The following CLEC2A variants were observed in gnomAD, a reference collection of about 807,000 sequenced individuals.
CLEC2A encodes keratinocyte-associated C-type lectin.
In CLEC2A, 19 loss-of-function variants were observed where a neutral mutation model predicts 18.6. The observed-to-expected ratio is 1.02, with a 90% CI of 0.71 to 1.50. CLEC2A has a LOEUF of 1.50. Among genes scored for constraint, CLEC2A ranks in the 40% most tolerant of loss-of-function variants. CLEC2A has a pLI of 0.00. For synonymous variants in CLEC2A, 74 were observed against 64.0 expected (o/e 1.16, Z -0.75); for missense variants, 190 against 207.9 (o/e 0.91, Z 0.53).
the CLEC2A span, among the ~76,000 whole-genome samples, chr12:9,880,610 T>C: frequency 6.6e-6 from 1 of 152,134 alleles, no homozygotes; most frequent in African/African-American, 2.4e-5. Flanking sequence ...GTCAAAATTC[T>C]GCAAATGAGC....
At chr12:9,911,579 C>A (rs930853174), downstream of CLEC2A, among the ~76,000 whole-genome samples, 2 of 152,184 alleles carry the variant, frequency 1.3e-5, no homozygotes, top group Admixed American at 6.5e-5. Context: ...TTTAGTGACA[C>A]CTGCATTTTA....
the CLEC2A span, among the ~76,000 whole-genome samples, chr12:9,889,648 G>A: frequency 0.14 from 21,203 of 149,578 alleles, 2,458 homozygotes; most frequent in East Asian, 0.34. Context: ...GTATATATAT[G>A]TGTGTGTGTG....
intron 1 of CLEC2A, among the ~76,000 whole-genome samples, chr12:9,928,282 A>G (rs191453109): frequency 1.3e-5 from 2 of 152,168 alleles, no homozygotes; most frequent in Non-Finnish European, 2.9e-5. Flanking sequence ...CCTGGCCAAC[A>G]TGGTGAGACC....
chr12:9,927,785 A>G (rs1863300399), intron 1 of CLEC2A, among the ~76,000 whole-genome samples: 1 of 152,182 alleles, frequency 6.6e-6, no homozygotes, highest in Non-Finnish European at 1.5e-5. Context: ...TTGGTAATTT[A>G]TCTTACATCT....
chr12:9,902,709 G>A (rs1862850696), intron 4 of CLEC2A, among the ~76,000 whole-genome samples: 1 of 151,984 alleles, frequency 6.6e-6, no homozygotes, highest in South Asian at 2.1e-4. Flanking sequence ...TGAGACAAAG[G>A]ATTTCTCAGC....
chr12:9,889,785 G>A, the CLEC2A span, among the ~76,000 whole-genome samples: 9 of 151,936 alleles, frequency 5.9e-5, no homozygotes, highest in Admixed American at 5.9e-4. Flanking sequence ...CAGTGGATAA[G>A]AACATAGGCT....
chr12:9,889,285 AT>A, the CLEC2A span, among the ~76,000 whole-genome samples: 1 of 152,330 alleles, frequency 6.6e-6, no homozygotes, highest in South Asian at 2.1e-4. Flanking sequence ...GTGATGATTA[AT>A]TTTCTGTGTC....
At chr12:9,922,414 A>G (rs990593638) in intron 2 of CLEC2A, among the ~76,000 whole-genome samples, 182 bp from the exon 3 acceptor site, 1 of 152,222 alleles carries the variant, frequency 6.6e-6, no homozygotes, top group African/African-American at 2.4e-5. Flanking sequence ...TTAGTGATCA[A>G]GCAGTGCATA....
chr12:9,894,171 G>C (rs78773534), downstream of CLEC2A, among the ~76,000 whole-genome samples: 11 of 78,658 alleles, frequency 1.4e-4, no homozygotes, highest in East Asian at 1.4e-3. Context: ...TTCCTTCTTT[G>C]TTTCTTTCTT....
Position 9,913,390 on chromosome 12 carries a change from C to T in CLEC2A, c.*176G>A. ...CCTTATAAAAGGCTCCAGAGAACGG[C>T]CTTGTCTCTTTAACCATGGCAGGGC... On this transcript the variant is annotated 3_prime_UTR_variant, in exon 5 of 5. Coordinates refer to ENST00000455827, the MANE Select transcript of CLEC2A (RefSeq NM_001130711.2). 1 of 1,154,146 alleles carries T rather than the reference C, an allele frequency of 8.7e-7. No homozygotes were observed. Among genetic ancestry groups the T allele is most frequent in the African/African-American group, 1.6e-5 (1 of 63,512 alleles). 71.5% of individuals were successfully genotyped at this position (1,154,146 alleles called of 1,614,324 possible). A position where few individuals can be genotyped will look rare whatever the true frequency, so the allele number is the denominator to read the frequency against.
chr12:9,887,826 T>G, the CLEC2A span, among the ~76,000 whole-genome samples: 20 of 148,070 alleles, frequency 1.4e-4, no homozygotes. Flanking sequence ...CCAAGGCAGG[T>G]GGAGCGCTTG....
chr12:9,911,116 C>G (rs1862979460), downstream of CLEC2A, among the ~76,000 whole-genome samples: 1 of 152,170 alleles, frequency 6.6e-6, no homozygotes, highest in Non-Finnish European at 1.5e-5. Context: ...ACCACACAAC[C>G]TAAACTAGTC....
chr12:9,913,976 T>C (rs1166583179), intron 4 of CLEC2A, among the ~76,000 whole-genome samples: 2 of 152,190 alleles, frequency 1.3e-5, no homozygotes, highest in African/African-American at 4.8e-5. Flanking sequence ...CCATTCTTCC[T>C]TCCTTCCTTG....
rs537933836 is a variant in CLEC2A at position 9,917,332 on chromosome 12, T to A, written c.307-529A>T. On this transcript the variant is annotated intron_variant, in intron 3 of 4. Transcript: ENST00000455827. ...TTCATCACCCAAGTATTAAGCCCAC[T>A]AACCAATAGTTATATCTGTCATATC... is the stretch of plus-strand genomic sequence containing the variant. Among the ~76,000 whole-genome samples the A allele has an allele frequency of 1.1e-4, 17 of 152,316 alleles. No individual in the cohort carries two copies. In the East Asian group the frequency reaches 2.7e-3, roughly 24 times the overall value.
chr12:9,929,290 T>C (rs207472650), intron 1 of CLEC2A, among the ~76,000 whole-genome samples: 1 of 152,206 alleles, frequency 6.6e-6, no homozygotes, highest in Non-Finnish European at 1.5e-5. Flanking sequence ...CCTTTAGCAT[T>C]GTACTACACT....
intron 4 of CLEC2A, among the ~76,000 whole-genome samples, chr12:9,902,232 C>CTT (rs1331542264): frequency 1.5e-5 from 2 of 135,054 alleles, no homozygotes; most frequent in African/African-American, 2.9e-5. Context: ...CAAGGTTTGC[C>CTT]ATTTTTTTTT....
At chr12:9,885,277 A>G in the CLEC2A span, among the ~76,000 whole-genome samples, 1 of 151,712 alleles carries the variant, frequency 6.6e-6, no homozygotes, top group Non-Finnish European at 1.5e-5. Flanking sequence ...AAAGTAATGT[A>G]TCTTTACTAA....
Position 9,932,345 on chromosome 12 carries a change from G to A in CLEC2A, c.-16C>T, listed in dbSNP as rs1368018071. The A allele has an allele frequency of 7.7e-6, 12 of 1,551,460 alleles. No individual in the cohort carries two copies. Among genetic ancestry groups the A allele is most frequent in the Middle Eastern group, 1.7e-4 (1 of 6,014 alleles). ...GATTAATCATGGCAAGGCGCTAACC[G>A]ATGGAGATCAGTAGGAGAGGACTAG... On this transcript the variant is annotated 5_prime_UTR_variant, in exon 1 of 5. Coordinates refer to ENST00000455827, the MANE Select transcript of CLEC2A (RefSeq NM_001130711.2).
intron 4 of CLEC2A, among the ~76,000 whole-genome samples, chr12:9,915,175 T>G (rs761854618): frequency 1.3e-5 from 2 of 151,948 alleles, no homozygotes; most frequent in African/African-American, 4.8e-5. Context: ...CCAATCAGAA[T>G]GGCAATTATT....
Sources: gnomAD v4.1 joint callset for allele counts (sites outside exome capture counted in the v4.1 genomes callset) on GRCh38, gnomAD v4.1.1 for gene constraint, MANE v1.5 for transcripts, NCBI Gene and HGNC (gene_info 2026-07-23, HGNC 2026-07-21) for gene names.